The following SCML2 variants were observed in gnomAD, a reference collection of about 807,000 sequenced individuals.
SCML2 encodes sex comb on midleg-like protein 2.
SCML2 carries 6 observed loss-of-function variants against 48.4 expected under a neutral mutation model. The observed-to-expected ratio is 0.12, with a 90% CI of 0.07 to 0.24. The LOEUF is 0.24. SCML2 is among the 10% of genes least tolerant of loss of function. The pLI, the probability that SCML2 is intolerant of heterozygous loss-of-function variation, is 1.00. For synonymous variants in SCML2, 181 were observed against 189.5 expected (o/e 0.95, Z 0.37); for missense variants, 377 against 528.2 (o/e 0.71, Z 2.81).
intron 6 of SCML2, among the ~76,000 whole-genome samples, chrX:18,314,897 T>A (rs1212187184): frequency 9.1e-6 from 1 of 110,103 alleles, no homozygotes; most frequent in Admixed American, 9.7e-5. Context: ...GAGACCAGAC[T>A]GGCCAACATG....
chrX:18,296,762 G>A (rs1928408838), intron 7 of SCML2, among the ~76,000 whole-genome samples: 1 of 111,447 alleles, frequency 9.0e-6, no homozygotes, highest in African/African-American at 3.3e-5. Flanking sequence ...GTAATAAAAA[G>A]TCTCCCAACA....
At chrX:18,247,908 C>T (rs760752612) in intron 11 of SCML2, 26 bp from the exon 12 acceptor site, 4 of 1,066,883 alleles carry the variant, frequency 3.7e-6, no homozygotes, top group Non-Finnish European at 5.2e-6. Flanking sequence ...AAACAGTTGT[C>T]TGTTATAACG....
At chrX:18,332,365 C>T (rs1929684895) in intron 2 of SCML2, among the ~76,000 whole-genome samples, 1 of 111,988 alleles carries the variant, frequency 8.9e-6, no homozygotes, top group Admixed American at 9.5e-5. Flanking sequence ...TGCTATTTTA[C>T]CCTTACCGAT....
At chrX:18,351,324 GTTC>G (rs1930369467) in intron 1 of SCML2, among the ~76,000 whole-genome samples, 1 of 110,132 alleles carries the variant, frequency 9.1e-6, no homozygotes, top group Non-Finnish European at 1.9e-5. Flanking sequence ...CAGGTTTTTA[GTTC>G]CTGGAATCAA....
At chrX:18,291,373 G>A (rs1290922998) in intron 7 of SCML2, among the ~76,000 whole-genome samples, 1 of 111,928 alleles carries the variant, frequency 8.9e-6, no homozygotes, top group African/African-American at 3.2e-5. Context: ...GTTTCTCAGT[G>A]ATTTTTTTCT....
chrX:18,246,360 G>A (rs1602071437), intron 13 of SCML2, among the ~76,000 whole-genome samples: 2 of 112,248 alleles, frequency 1.8e-5, no homozygotes, highest in Non-Finnish European at 3.8e-5. Flanking sequence ...CTCTATCAGA[G>A]ACATGGTTGG....
chrX:18,301,384 C>T (rs762302441), intron 7 of SCML2, among the ~76,000 whole-genome samples: 2 of 108,320 alleles, frequency 1.8e-5, no homozygotes, highest in Admixed American at 9.9e-5. Flanking sequence ...GGTGACAGAG[C>T]GAGACTCCGT....
chrX:18,245,719 G>C (rs1288509203), intron 13 of SCML2, among the ~76,000 whole-genome samples: 1 of 111,909 alleles, frequency 8.9e-6, no homozygotes, highest in Non-Finnish European at 1.9e-5. Flanking sequence ...CACATGGAAG[G>C]CCGTTTTGGC....
At chrX:18,343,158 G>T (rs1602151924) in intron 1 of SCML2, among the ~76,000 whole-genome samples, 1 of 102,844 alleles carries the variant, frequency 9.7e-6, no homozygotes, top group Admixed American at 1.1e-4. Context: ...TTCCTTTCGT[G>T]TGCCCCACCT....
At chrX:18,305,246 C>T in intron 6 of SCML2, 31 bp from the exon 7 acceptor site, 1 of 1,144,318 alleles carries the variant, frequency 8.7e-7, no homozygotes, top group Non-Finnish European at 1.2e-6. Flanking sequence ...AAAAAGATTT[C>T]ATTGTTAAGA....
At chrX:18,252,247 C>G (rs1411422149) in intron 11 of SCML2, among the ~76,000 whole-genome samples, 1 of 112,897 alleles carries the variant, frequency 8.9e-6, no homozygotes, top group Non-Finnish European at 1.9e-5. Context: ...GCACTCCAGC[C>G]TAGGCAACAG....
chrX:18,258,010 G>A (rs764613681), intron 10 of SCML2, 34 bp downstream of exon 10: 13 of 937,999 alleles, frequency 1.4e-5, no homozygotes, highest in Non-Finnish European at 1.8e-5. Flanking sequence ...AAGGGGGAAG[G>A]GACTGAATTA....
chrX:18,290,290 G>C (rs1039054802), intron 7 of SCML2, among the ~76,000 whole-genome samples: 1 of 111,971 alleles, frequency 8.9e-6, no homozygotes, highest in Non-Finnish European at 1.9e-5. Flanking sequence ...TTATCAAAAA[G>C]AGTTAAGATG....
In SCML2 at chrX:18,261,048, T is replaced by A. The variant is rs777960606; in HGVS notation, c.949-757A>T. ...GGAGTAAAAAATAGAACATTCGATG[T>A]TGCTGAAATTTATTTGCTTAAATTA... is the stretch of plus-strand genomic sequence containing the variant. On this transcript the variant is annotated intron_variant, in intron 8 of 14. Transcript: ENST00000251900. Among the ~76,000 whole-genome samples, 78 of 109,650 alleles carry A rather than the reference T, an allele frequency of 7.1e-4. 4 individuals are homozygous for A. The highest frequency in any genetic ancestry group is 2.5e-3 in the African/African-American group (72 of 28,796).
intron 1 of SCML2, among the ~76,000 whole-genome samples, chrX:18,353,908 G>A (rs977024590): frequency 3.5e-5 from 4 of 113,108 alleles, no homozygotes; most frequent in Admixed American, 1.8e-4. Flanking sequence ...TCTAAGTGAC[G>A]GCAGCAACTT....
chrX:18,335,271 AGGTG>A (rs1431582379), intron 1 of SCML2, among the ~76,000 whole-genome samples: 1 of 111,514 alleles, frequency 9.0e-6, no homozygotes, highest in Non-Finnish European at 1.9e-5. Context: ...TGGGAAGCCG[AGGTG>A]GGTGGATCAC....
At chrX:18,302,831 T>A (rs1334467207) in intron 7 of SCML2, among the ~76,000 whole-genome samples, 1 of 112,297 alleles carries the variant, frequency 8.9e-6, no homozygotes, top group African/African-American at 3.2e-5. Flanking sequence ...AGCTATCCAA[T>A]GAACATGTGC....
rs189138493 is a variant in SCML2, at chrX:18,353,420, C to T, written c.-25+1172G>A. On this transcript the variant is annotated intron_variant, in intron 1 of 14. Transcript: ENST00000251900. Reference sequence around the variant, plus strand: ...TGGGGGCATTAAAATGTAGCAGCATCTGAAGCTGTTTTAGGGAAAAAAACA... The same window carrying T: ...TGGGGGCATTAAAATGTAGCAGCATTTGAAGCTGTTTTAGGGAAAAAAACA... Among the ~76,000 whole-genome samples the T allele has an allele frequency of 2.0e-4, 22 of 111,995 alleles. 1 individual carries two copies. The East Asian group carries it at 4.2e-3, about 21-fold the overall frequency.
At chrX:18,337,511 T>A (rs184269118) in intron 1 of SCML2, among the ~76,000 whole-genome samples, 1 of 110,163 alleles carries the variant, frequency 9.1e-6, no homozygotes, top group African/African-American at 3.3e-5. Context: ...AGGAAAGTTA[T>A]CAAGGATAAA....
Sources: gnomAD v4.1 joint callset for allele counts (sites outside exome capture counted in the v4.1 genomes callset) on GRCh38, gnomAD v4.1.1 for gene constraint, MANE v1.5 for transcripts, NCBI Gene and HGNC (gene_info 2026-07-23, HGNC 2026-07-21) for gene names.